Variants in STXBP5 observed in about 807,000 individuals in gnomAD.
STXBP5 encodes syntaxin-binding protein 5.
STXBP5 carries 50 observed loss-of-function variants against 152.4 expected under a neutral mutation model. That is an observed-to-expected ratio of 0.33 (90% CI 0.26 to 0.42). The LOEUF (loss-of-function observed/expected upper bound fraction) is 0.42. STXBP5 is among the 10% of genes least tolerant of loss of function. The pLI is 1.00. For synonymous variants in STXBP5, 492 were observed against 494.7 expected (o/e 0.99, Z 0.07); for missense variants, 1,167 against 1,388.6 (o/e 0.84, Z 2.54).
intron 2 of STXBP5, among the ~76,000 whole-genome samples, chr6:147,231,507 A>G (rs1290976590): frequency 1.3e-5 from 2 of 151,890 alleles, no homozygotes; most frequent in East Asian, 3.8e-4. Flanking sequence ...GAGAGCAGAA[A>G]TGTATCTGAG....
intron 21 of STXBP5, among the ~76,000 whole-genome samples, chr6:147,346,816 C>T (rs1784358989): frequency 6.6e-6 from 1 of 152,082 alleles, no homozygotes; most frequent in South Asian, 2.1e-4. Context: ...CTAAAAACAA[C>T]TATAAAAATT....
intron 7 of STXBP5, among the ~76,000 whole-genome samples, chr6:147,272,529 G>C (rs1780224059): frequency 6.6e-6 from 1 of 151,982 alleles, no homozygotes; most frequent in Non-Finnish European, 1.5e-5. Context: ...TGCCATTTTT[G>C]CCAGGTGTAC....
chr6:147,221,086 A>G (rs1777435209), intron 2 of STXBP5, among the ~76,000 whole-genome samples: 1 of 152,038 alleles, frequency 6.6e-6, no homozygotes, highest in African/African-American at 2.4e-5. Context: ...TTGCTCTAGA[A>G]TATGCAGTAT....
intron 4 of STXBP5, among the ~76,000 whole-genome samples, chr6:147,239,744 A>AT (rs1282578881): frequency 6.6e-6 from 1 of 152,036 alleles, no homozygotes; most frequent in East Asian, 1.9e-4. Flanking sequence ...TCTGCTGTTC[A>AT]TTTTACTCTG....
chr6:147,326,112 AG>A (rs1251460603), intron 17 of STXBP5, among the ~76,000 whole-genome samples: 1 of 152,152 alleles, frequency 6.6e-6, no homozygotes, highest in African/African-American at 2.4e-5. Context: ...GAAGAAACCA[AG>A]GGACAACTGT....
intron 24 of STXBP5, 42 bp downstream of exon 24, chr6:147,363,746 C>T (rs1785170617): frequency 6.4e-7 from 1 of 1,552,738 alleles, no homozygotes; most frequent in African/African-American, 1.4e-5. Flanking sequence ...ATAGCATTTC[C>T]TCCCTCAAAC....
At chr6:147,305,246 G>A (rs1782030038) in intron 9 of STXBP5, among the ~76,000 whole-genome samples, 1 of 152,082 alleles carries the variant, frequency 6.6e-6, no homozygotes, top group Admixed American at 6.6e-5. Context: ...CAAAAGCATA[G>A]CTTTTCAACA....
intron 21 of STXBP5, among the ~76,000 whole-genome samples, chr6:147,342,689 AC>A (rs1166160806): frequency 6.6e-6 from 1 of 152,130 alleles, no homozygotes; most frequent in African/African-American, 2.4e-5. Flanking sequence ...TATTTGTTTT[AC>A]AAAAATTTGA....
intron 17 of STXBP5, 105 bp downstream of exon 17, chr6:147,325,189 T>C: frequency 8.9e-7 from 1 of 1,121,340 alleles, no homozygotes; most frequent in Admixed American, 3.8e-5. Flanking sequence ...TCACCTAAAA[T>C]GGCATTCTAC....
chr6:147,366,149 G>A lies in STXBP5; in HGVS notation c.3081+1983G>A, dbSNP rs376135477. Among the ~76,000 whole-genome samples, 128 of 152,256 alleles carry A rather than the reference G, an allele frequency of 8.4e-4. 1 individual carries two copies. The highest frequency in any genetic ancestry group is 2.9e-3 in the African/African-American group (121 of 41,554). On this transcript the variant is annotated intron_variant, in intron 25 of 27. Transcript: ENST00000321680. ...GAGTTTGGGGACACCAGGTAAATTC[G>A]AGAGAAAAGAGCTACAAAGAGAAAG...
chr6:147,215,524 G>T (rs1398350603), intron 2 of STXBP5, among the ~76,000 whole-genome samples: 1 of 152,052 alleles, frequency 6.6e-6, no homozygotes, highest in African/African-American at 2.4e-5. Context: ...GGGACTCCAG[G>T]TGCACGCCAC....
intron 22 of STXBP5, among the ~76,000 whole-genome samples, chr6:147,357,669 G>A (rs1784874291): frequency 6.6e-6 from 1 of 152,064 alleles, no homozygotes; most frequent in Non-Finnish European, 1.5e-5. Context: ...GATTACCAAT[G>A]GAAGGAAGGA....
rs554944154 is a variant in STXBP5 at position 147,302,132 on chromosome 6, C to A, written c.918-7952C>A. ...TATTCCCTATATTTGTTTTTTAATT[C>A]ATCACTGTTGAATTTAAACTGATAT... is the stretch of plus-strand genomic sequence containing the variant. On this transcript the variant is annotated intron_variant, in intron 9 of 27. Transcript: ENST00000321680. Among the ~76,000 whole-genome samples, 247 of 152,202 alleles carry A rather than the reference C, an allele frequency of 1.6e-3. 2 individuals carry two copies. Among genetic ancestry groups the A allele is most frequent in the Non-Finnish European group, 2.7e-3 (187 of 68,022 alleles).
intron 16 of STXBP5, among the ~76,000 whole-genome samples, chr6:147,324,143 T>G (rs1363637437): frequency 6.6e-6 from 1 of 152,020 alleles, no homozygotes; most frequent in African/African-American, 2.4e-5. Context: ...ACAGTGAAAG[T>G]AGGTGCACAC....
At position 147,311,344 on chromosome 6, in the gene STXBP5, T is replaced by C; in HGVS notation, c.1073-111T>C. 3 of 881,848 alleles carry C rather than the reference T, an allele frequency of 3.4e-6. No individual in the cohort carries two copies. The East Asian group carries it at 7.9e-5, about 23-fold the overall frequency. 54.6% of individuals were successfully genotyped at this position (881,848 alleles called of 1,614,324 possible). On this transcript the variant is annotated intron_variant, in intron 10 of 27. Coordinates refer to ENST00000321680, the MANE Select transcript of STXBP5 (RefSeq NM_001127715.4). ...TGCATGAAGTATCATAGGATCAGAA[T>C]GTTAAATACTCAAGAGAATGAAACT...
intron 9 of STXBP5, among the ~76,000 whole-genome samples, chr6:147,296,375 G>A (rs905749070): frequency 6.6e-6 from 1 of 152,156 alleles, no homozygotes; most frequent in African/African-American, 2.4e-5. Flanking sequence ...AGACATGGCT[G>A]ACATGGATTA....
intron 4 of STXBP5, among the ~76,000 whole-genome samples, chr6:147,248,462 A>G (rs1345437236): frequency 6.6e-6 from 1 of 152,138 alleles, no homozygotes; most frequent in Non-Finnish European, 1.5e-5. Context: ...TTTTTTTTAA[A>G]GAAGACAAAA....
intron 2 of STXBP5, among the ~76,000 whole-genome samples, chr6:147,213,465 T>TGC (rs1776979707): frequency 1.6e-5 from 2 of 125,156 alleles, no homozygotes; most frequent in African/African-American, 5.6e-5. Flanking sequence ...TGTGTGTGTG[T>TGC]GTGTGTGTGT....
intron 7 of STXBP5, among the ~76,000 whole-genome samples, 156 bp downstream of exon 7, chr6:147,267,323 A>G (rs1290244519): frequency 6.6e-6 from 1 of 152,158 alleles, no homozygotes; most frequent in Non-Finnish European, 1.5e-5. Context: ...ACACAATTCA[A>G]AAGATAACAA....
Sources: allele counts gnomAD v4.1 joint callset (sites outside exome capture counted in the v4.1 genomes callset), GRCh38; gene constraint gnomAD v4.1.1; transcripts MANE v1.5; gene names NCBI Gene and HGNC (gene_info 2026-07-23, HGNC 2026-07-21).